Variants in BNC1 observed in about 807,000 individuals in gnomAD.
BNC1 encodes basonuclin zinc finger protein 1.
In BNC1, 8 loss-of-function variants were observed where a neutral mutation model predicts 66.5. That is an observed-to-expected ratio of 0.12 (90% CI 0.07 to 0.22). BNC1 has a LOEUF of 0.22. Among genes scored for constraint, BNC1 ranks in the 10% least tolerant of loss-of-function variants. The probability of loss-of-function intolerance (pLI) is 1.00; values close to 1 mark genes in which losing one functional copy is unlikely to be tolerated. For synonymous variants in BNC1, 454 were observed against 452.6 expected (o/e 1.00, Z -0.04); for missense variants, 1,069 against 1,241.3 (o/e 0.86, Z 2.09).
intron 1 of BNC1, 44 bp downstream of exon 1, chr15:83,284,486 C>T (rs776776378): frequency 1.7e-6 from 2 of 1,162,336 alleles, no homozygotes; most frequent in Non-Finnish European, 1.1e-6. Flanking sequence ...CCGCCTGCTC[C>T]GCGCACAGAG....
chr15:83,265,884 T>C (rs983742071), intron 3 of BNC1, among the ~76,000 whole-genome samples: 1 of 152,300 alleles, frequency 6.6e-6, no homozygotes, highest in Admixed American at 6.5e-5. Flanking sequence ...TTGTTTTTAG[T>C]GTTCATTTTA....
chr15:83,264,553 A>G lies in BNC1; in HGVS notation c.698T>C (p.Phe233Ser), dbSNP rs1338810511. The change falls in exon 4 of 5, where the codon TTT (phenylalanine) becomes TCT (serine). Residue 233 changes from phenylalanine (F) to serine (S), a missense_variant. Transcript: ENST00000345382. The part of the protein sequence containing the change: ...DKGNPSSIHP[F>S]ENLISNMTFM... ...AGTCATGTTGCTTATGAGGTTCTCAAAGGGGTGTATACTGCTGGGGTTTCC... is the reference window on the plus strand; with the variant it reads ...AGTCATGTTGCTTATGAGGTTCTCAGAGGGGTGTATACTGCTGGGGTTTCC... The G allele has an allele frequency of 3.7e-6, 6 of 1,613,992 alleles. No individual in the cohort carries two copies. The highest frequency in any genetic ancestry group is 4.2e-6 in the Non-Finnish European group (5 of 1,180,014).
chr15:83,279,048 T>C (rs1039156032), intron 1 of BNC1, among the ~76,000 whole-genome samples: 1 of 152,216 alleles, frequency 6.6e-6, no homozygotes, highest in South Asian at 2.1e-4. Flanking sequence ...GTTTGTCAGG[T>C]AATCAAGGAA....
At chr15:83,280,290 G>A (rs1211368316) in intron 1 of BNC1, among the ~76,000 whole-genome samples, 1 of 152,080 alleles carries the variant, frequency 6.6e-6, no homozygotes, top group African/African-American at 2.4e-5. Flanking sequence ...GTAATCTTTA[G>A]AAACCTTTGA....
rs1488268427 is a variant in BNC1 at position 83,256,879 on chromosome 15, G to GTAAC, written c.*559_*562dup. 1.3e-5 allele frequency: 2 copies of GTAAC among 152,902 alleles called. No homozygotes were observed. Among genetic ancestry groups the GTAAC allele is most frequent in the Non-Finnish European group, 2.9e-5 (2 of 68,630 alleles). 9.5% of individuals were successfully genotyped at this position (152,902 alleles called of 1,614,324 possible). ...CCCAATCCTCTGAGAACTCCCTGGG[G>GTAAC]TAACATATGAGACCTCTGGTGCAGG... On this transcript the variant is annotated 3_prime_UTR_variant, in exon 5 of 5. Transcript: ENST00000345382.
chr15:83,258,142 G>A lies in BNC1; in HGVS notation c.2301-16C>T, dbSNP rs752697788. On this transcript the variant is annotated splice_polypyrimidine_tract_variant and intron_variant, in intron 4 of 4. Coordinates refer to ENST00000345382, the MANE Select transcript of BNC1 (RefSeq NM_001717.4). ...TGAGCTGTGTCTACAAGAGTGAAAA[G>A]ATGGTTAGTAATGGGTTGGGCTGTT... 17 of 1,577,894 alleles carry A rather than the reference G, an allele frequency of 1.1e-5. No individual in the cohort carries two copies. In the Admixed American group the frequency reaches 2.8e-4, roughly 26 times the overall value.
Position 83,277,090 on chromosome 15 carries a change from CTTTT to C in BNC1, c.99+7436_99+7439del, listed in dbSNP as rs991172183. On this transcript the variant is annotated intron_variant, in intron 1 of 4. Coordinates refer to ENST00000345382, the MANE Select transcript of BNC1 (RefSeq NM_001717.4). ...TACAATAAAAATGCTTCAGGATTTT[CTTTT>C]TTTGAGACAGGGTCTTGTTCTGTCA... Among the ~76,000 whole-genome samples, 35 of 152,098 alleles carry C rather than the reference CTTTT, an allele frequency of 2.3e-4. 1 individual carries two copies. The highest frequency in any genetic ancestry group is 8.0e-4 in the African/African-American group (33 of 41,430).
In BNC1 at chr15:83,257,215, C is replaced by G. The variant is rs1555458761; in HGVS notation, c.*227G>C. 8 of 573,668 alleles carry G rather than the reference C, an allele frequency of 1.4e-5. No individual in the cohort carries two copies. The highest frequency in any genetic ancestry group is 3.0e-6 in the Non-Finnish European group (1 of 329,266). 35.5% of individuals were successfully genotyped at this position (573,668 alleles called of 1,614,324 possible). A position where few individuals can be genotyped will look rare whatever the true frequency, so the allele number is the denominator to read the frequency against. On this transcript the variant is annotated 3_prime_UTR_variant, in exon 5 of 5. Transcript: ENST00000345382. Reference sequence around the variant, plus strand: ...ACATTTCTGCAAGTTTTCCTTGTATCAGTGAAAGACCTCTTGGGCTAAGAA... The same window carrying G: ...ACATTTCTGCAAGTTTTCCTTGTATGAGTGAAAGACCTCTTGGGCTAAGAA...
chr15:83,267,863 T>G (rs572813502), intron 2 of BNC1, among the ~76,000 whole-genome samples: 1 of 152,198 alleles, frequency 6.6e-6, no homozygotes, highest in Non-Finnish European at 1.5e-5. Context: ...GAGGCTGTAA[T>G]AGATAGAACA....
At chr15:83,283,330 G>A (rs2038402819) in intron 1 of BNC1, 2 of 1,473,914 alleles carry the variant, frequency 1.4e-6, no homozygotes, top group East Asian at 2.6e-5. Context: ...AAAGCCAGGC[G>A]GCGGCGGGGC....
chr15:83,268,867 A>G lies in BNC1; in HGVS notation c.100-635T>C, dbSNP rs142515550. Among the ~76,000 whole-genome samples, 365 of 152,352 alleles carry G rather than the reference A, an allele frequency of 2.4e-3. 4 individuals are homozygous for G. The highest frequency in any genetic ancestry group is 3.4e-3 in the Middle Eastern group (1 of 294). On this transcript the variant is annotated intron_variant, in intron 1 of 4. Transcript: ENST00000345382. ...GCCATGTTTTATGTGGGGGCATAGA[A>G]TGTACAAAAATATAGCTGAAATTGA...
chr15:83,274,730 T>C (rs1462861339), intron 1 of BNC1, among the ~76,000 whole-genome samples: 1 of 152,242 alleles, frequency 6.6e-6, no homozygotes, highest in Non-Finnish European at 1.5e-5. Flanking sequence ...ATTTATTACA[T>C]GTGAGATACT....
At chr15:83,274,449 CA>C (rs1242703576) in intron 1 of BNC1, among the ~76,000 whole-genome samples, 3 of 152,282 alleles carry the variant, frequency 2.0e-5, no homozygotes, top group African/African-American at 7.2e-5. Flanking sequence ...ATTTCAGGTG[CA>C]TAGTAGCAAC....
intron 1 of BNC1, among the ~76,000 whole-genome samples, chr15:83,271,663 T>G (rs931493930): frequency 2.0e-5 from 3 of 152,110 alleles, no homozygotes; most frequent in Non-Finnish European, 4.4e-5. Flanking sequence ...TAAACCTATA[T>G]CGCAATGGTG....
intron 1 of BNC1, among the ~76,000 whole-genome samples, chr15:83,270,218 A>G (rs1023789150): frequency 1.3e-5 from 2 of 152,218 alleles, no homozygotes; most frequent in Non-Finnish European, 2.9e-5. Flanking sequence ...TAAGGTGTAC[A>G]ATTCAATGAT....
chr15:83,272,394 C>CTTTTTTTTTTTTTTTTTTT (rs750429207), intron 1 of BNC1, among the ~76,000 whole-genome samples: 32 of 122,696 alleles, frequency 2.6e-4, no homozygotes, highest in East Asian at 4.4e-4. Context: ...CCACACCTGG[C>CTTTTTTTTTTTTTTTTTTT]TTTTTTTTTT....
chr15:83,264,096 A>G lies in BNC1; in HGVS notation c.1155T>C (p.His385=). The part of the protein sequence containing the change: ...HYNAVHLKIK[H]KCTIEGCNMV... ...TGTTACACCCTTCGATGGTGCACTT[A>G]TGCTTGATCTTCAAGTGGACGGCAT... The change falls in exon 4 of 5, where the codon CAT becomes CAC. Residue 385 remains histidine, a synonymous_variant. Coordinates refer to ENST00000345382, the MANE Select transcript of BNC1 (RefSeq NM_001717.4). The G allele has an allele frequency of 6.2e-7, 1 of 1,614,098 alleles. No homozygotes were observed.
Position 83,258,005 on chromosome 15 carries a change from C to T in BNC1, c.2422G>A (p.Val808Met). The T allele has an allele frequency of 6.2e-7, 1 of 1,614,118 alleles. No homozygotes were observed. The highest frequency in any genetic ancestry group is 8.5e-7 in the Non-Finnish European group (1 of 1,179,990). The change falls in exon 5 of 5, where the codon GTG becomes ATG. Residue 808 changes from valine to methionine, a missense_variant. Transcript: ENST00000345382. ...KDVAKEAYQD[V>M]AFTQQASQTS... Reference sequence around the variant, plus strand: ...TGGGAGGCTTGCTGTGTAAAAGCCACATCCTGATAGGCTTCCTTAGCCACA... The same window carrying T: ...TGGGAGGCTTGCTGTGTAAAAGCCATATCCTGATAGGCTTCCTTAGCCACA...
chr15:83,271,793 T>G, intron 1 of BNC1, among the ~76,000 whole-genome samples: 1 of 152,248 alleles, frequency 6.6e-6, no homozygotes, highest in East Asian at 1.9e-4. Context: ...ACTATTTTAC[T>G]TTTTGGTTAC....
Sources: gnomAD v4.1 joint callset for allele counts (sites outside exome capture counted in the v4.1 genomes callset) on GRCh38, gnomAD v4.1.1 for gene constraint, MANE v1.5 for transcripts, NCBI Gene and HGNC (gene_info 2026-07-23, HGNC 2026-07-21) for gene names.